The following MBNL2 variants were observed in gnomAD, a reference collection of about 807,000 sequenced individuals.
MBNL2 encodes muscleblind like splicing regulator 2, also known as muscleblind-like protein 2.
MBNL2 carries 17 observed loss-of-function variants against 41.9 expected under a neutral mutation model. The ratio of observed to expected loss-of-function variants is 0.41; its 90% confidence interval spans 0.28 to 0.61. The LOEUF is 0.61. Ranked by LOEUF, MBNL2 falls within the 20% of genes least tolerant of loss-of-function variation. The pLI, the probability that MBNL2 is intolerant of heterozygous loss-of-function variation, is 0.35. For synonymous variants in MBNL2, 195 were observed against 182.9 expected (o/e 1.07, Z -0.53); for missense variants, 336 against 505.6 (o/e 0.66, Z 3.22).
chr13:97,195,102 C>T, the MBNL2 span, among the ~76,000 whole-genome samples: 1 of 152,100 alleles, frequency 6.6e-6, no homozygotes, highest in African/African-American at 2.4e-5. Context: ...GATCCAAGAA[C>T]CCTCTCTTGG....
chr13:97,341,733 A>G (rs1007583312), intron 3 of MBNL2, among the ~76,000 whole-genome samples: 3 of 152,178 alleles, frequency 2.0e-5, no homozygotes, highest in Non-Finnish European at 4.4e-5. Flanking sequence ...CAAACTATCA[A>G]TAATTTACTC....
chr13:97,153,403 TAAG>T, the MBNL2 span, among the ~76,000 whole-genome samples: 3 of 152,036 alleles, frequency 2.0e-5, no homozygotes, highest in African/African-American at 4.8e-5. Context: ...GTTTAAAAAT[TAAG>T]AAGAAACAGT....
chr13:97,392,565 T>C lies in MBNL2; in HGVS notation c.*1116T>C, dbSNP rs2066409693. ...AACTTTAATACAAGTACATACATATTATATATACACATACATATATATACT... is the reference window on the plus strand; with the variant it reads ...AACTTTAATACAAGTACATACATATCATATATACACATACATATATATACT... On this transcript the variant is annotated 3_prime_UTR_variant, in exon 9 of 9. Coordinates refer to ENST00000679496, the MANE Select transcript of MBNL2 (RefSeq NM_001382683.1). 1 of 152,348 alleles carries C rather than the reference T, an allele frequency of 6.6e-6. No individual in the cohort carries two copies. Among genetic ancestry groups the C allele is most frequent in the Non-Finnish European group, 1.5e-5 (1 of 67,964 alleles). 9.4% of individuals were successfully genotyped at this position (152,348 alleles called of 1,614,324 possible). A position where few individuals can be genotyped will look rare whatever the true frequency, so the allele number is the denominator to read the frequency against.
In MBNL2 at chr13:97,391,618, G is replaced by T. The variant is rs1241108790; in HGVS notation, c.*169G>T. ...ATAAAGGATAAAGTTTACTTTTAAA[G>T]GGTTTCTAAACATAGTTTCTGTCCT... On this transcript the variant is annotated 3_prime_UTR_variant, in exon 9 of 9. Coordinates refer to ENST00000679496, the MANE Select transcript of MBNL2 (RefSeq NM_001382683.1). 3.6e-6 allele frequency: 2 copies of T among 552,074 alleles called. No homozygotes were observed. The highest frequency in any genetic ancestry group is 6.3e-6 in the Non-Finnish European group (2 of 316,790). 34.2% of individuals were successfully genotyped at this position (552,074 alleles called of 1,614,324 possible).
the MBNL2 span, among the ~76,000 whole-genome samples, chr13:97,184,903 A>C: frequency 6.6e-6 from 1 of 152,140 alleles, no homozygotes; most frequent in Non-Finnish European, 1.5e-5. Flanking sequence ...AAAAATAGCC[A>C]AAAATTTTTT....
chr13:97,271,654 T>C (rs1049904067), intron 1 of MBNL2, among the ~76,000 whole-genome samples: 2 of 152,146 alleles, frequency 1.3e-5, no homozygotes, highest in Non-Finnish European at 2.9e-5. Context: ...AGTGTTTAAC[T>C]TCTACTTATG....
chr13:97,183,355 T>C, the MBNL2 span, among the ~76,000 whole-genome samples: 1 of 152,234 alleles, frequency 6.6e-6, no homozygotes, highest in Non-Finnish European at 1.5e-5. Flanking sequence ...TAGTTACCTC[T>C]GTTCTTAATC....
At chr13:97,185,793 AGG>A in the MBNL2 span, among the ~76,000 whole-genome samples, 17 of 152,324 alleles carry the variant, frequency 1.1e-4, no homozygotes, top group East Asian at 2.9e-3. Flanking sequence ...TTAAGCCACT[AGG>A]CTTGTGTTAA....
intron 1 of MBNL2, among the ~76,000 whole-genome samples, chr13:97,222,769 G>A (rs1444428479): frequency 6.6e-6 from 1 of 152,120 alleles, no homozygotes; most frequent in African/African-American, 2.4e-5. Context: ...GCAAAGAATC[G>A]ATTCATTTAT....
chr13:97,285,592 A>C (rs903137169), intron 2 of MBNL2, among the ~76,000 whole-genome samples: 2 of 152,212 alleles, frequency 1.3e-5, no homozygotes, highest in African/African-American at 4.8e-5. Flanking sequence ...AATCTTTTTA[A>C]ACCTTGGAGT....
chr13:97,253,642 A>G (rs1469250264), intron 1 of MBNL2, among the ~76,000 whole-genome samples: 1 of 152,076 alleles, frequency 6.6e-6, no homozygotes, highest in Non-Finnish European at 1.5e-5. Flanking sequence ...AAAATTAAAC[A>G]TGTTTCAAAT....
intron 4 of MBNL2, among the ~76,000 whole-genome samples, chr13:97,343,813 G>GTTTT (rs2061617919): frequency 6.6e-6 from 1 of 151,658 alleles, no homozygotes; most frequent in Non-Finnish European, 1.5e-5. Context: ...TGTTTTGTTT[G>GTTTT]GTTTGGTTTT....
chr13:97,143,300 T>A, the MBNL2 span, among the ~76,000 whole-genome samples: 1 of 152,260 alleles, frequency 6.6e-6, no homozygotes, highest in African/African-American at 2.4e-5. Flanking sequence ...TAGGCCAACT[T>A]GTATTTGATC....
intron 8 of MBNL2, among the ~76,000 whole-genome samples, chr13:97,385,972 G>A (rs991305805): frequency 1.3e-5 from 2 of 152,208 alleles, no homozygotes; most frequent in Non-Finnish European, 2.9e-5. Flanking sequence ...TGAGTGACAG[G>A]TATGGATGGC....
upstream of MBNL2, among the ~76,000 whole-genome samples, chr13:97,221,746 T>A (rs2040876918): frequency 6.6e-6 from 1 of 152,206 alleles, no homozygotes; most frequent in Admixed American, 6.5e-5. Context: ...GCCGCAGTAA[T>A]TAACCACTGC....
intron 8 of MBNL2, among the ~76,000 whole-genome samples, chr13:97,388,306 C>A (rs1594303176): frequency 1.4e-5 from 1 of 72,916 alleles, no homozygotes; most frequent in Non-Finnish European, 2.9e-5. Context: ...TATACATATA[C>A]ATACATACAT....
chr13:97,160,892 G>T, the MBNL2 span, among the ~76,000 whole-genome samples: 1 of 152,160 alleles, frequency 6.6e-6, no homozygotes, highest in Non-Finnish European at 1.5e-5. Context: ...AGTGGAAAGA[G>T]TTAATTCTCA....
chr13:97,259,046 G>GA (rs1337992582), intron 1 of MBNL2, among the ~76,000 whole-genome samples: 11 of 152,354 alleles, frequency 7.2e-5, no homozygotes, highest in Non-Finnish European at 1.3e-4. Flanking sequence ...CAGAGCCAAG[G>GA]AATGGGGCCT....
chr13:97,298,596 G>A (rs1207573785), intron 2 of MBNL2, among the ~76,000 whole-genome samples: 1 of 152,178 alleles, frequency 6.6e-6, no homozygotes, highest in Admixed American at 6.5e-5. Context: ...TTTACATAAT[G>A]TCTGTCTCAC....
Sources: allele counts gnomAD v4.1 joint callset (sites outside exome capture counted in the v4.1 genomes callset), GRCh38; gene constraint gnomAD v4.1.1; transcripts MANE v1.5; gene names NCBI Gene and HGNC (gene_info 2026-07-23, HGNC 2026-07-21).